The following ITPRID1 variants were observed in gnomAD, a reference collection of about 807,000 sequenced individuals.
ITPRID1 encodes the protein protein ITPRID1.
Under a neutral mutation model 95.4 loss-of-function variants are expected in ITPRID1, and 96 were observed. The observed-to-expected ratio is 1.01, with a 90% CI of 0.85 to 1.19. The LOEUF is 1.19. Among genes scored for constraint, ITPRID1 ranks in the 50% most tolerant of loss-of-function variants. The probability of loss-of-function intolerance (pLI) is 0.00; values close to 1 mark genes in which losing one functional copy is unlikely to be tolerated. For synonymous variants in ITPRID1, 510 were observed against 453.6 expected (o/e 1.12, Z -1.58); for missense variants, 1,339 against 1,252.9 (o/e 1.07, Z -1.04).
chr7:31,577,814 C>A, intron 8 of ITPRID1, 49 bp from the exon 9 acceptor site: 2 of 1,456,486 alleles, frequency 1.4e-6, no homozygotes, highest in Non-Finnish European at 1.8e-6. Flanking sequence ...AATATGGTTT[C>A]AGCAAAAAAG....
intron 10 of ITPRID1, among the ~76,000 whole-genome samples, chr7:31,619,983 G>A (rs1408443091): frequency 4.6e-5 from 7 of 152,166 alleles, no homozygotes; most frequent in East Asian, 1.9e-4. Context: ...CGGGTCCTAC[G>A]CCCACGGAGT....
At chr7:31,563,747 G>T (rs1450799297) in intron 5 of ITPRID1, among the ~76,000 whole-genome samples, 2 of 152,104 alleles carry the variant, frequency 1.3e-5, no homozygotes, top group Admixed American at 6.5e-5. Context: ...GGTGACGAGG[G>T]TTTACAATAG....
chr7:31,636,835 A>G (rs1351191064), intron 10 of ITPRID1, among the ~76,000 whole-genome samples: 2 of 149,928 alleles, frequency 1.3e-5, no homozygotes, highest in African/African-American at 4.9e-5. Flanking sequence ...CCATTAACTC[A>G]TCATTCAGCA....
At chr7:31,570,430 A>ATAGAC (rs1171113665) in intron 6 of ITPRID1, among the ~76,000 whole-genome samples, 5 of 152,200 alleles carry the variant, frequency 3.3e-5, no homozygotes, top group African/African-American at 9.6e-5. Context: ...AACCACTGGA[A>ATAGAC]TAGACTATGA....
At chr7:31,605,156 TA>T (rs1786562121) in intron 10 of ITPRID1, among the ~76,000 whole-genome samples, 1 of 148,544 alleles carries the variant, frequency 6.7e-6, no homozygotes, top group South Asian at 2.1e-4. Flanking sequence ...AAAGAGAAAA[TA>T]AATCTTTCAC....
rs774437446 is a variant in ITPRID1, at chr7:31,578,127, C to G, written c.863C>G (p.Thr288Arg). ...KVKDEVFVPF[T>R]KPWDCGAELA... ...AAGGATGAAGTTTTTGTTCCCTTTA[C>G]AAAACCATGGGATTGTGGAGCAGAG... Residue 288 changes from threonine (T) to arginine (R), a missense_variant, in exon 9 of 15, where the codon ACA (threonine) becomes AGA (arginine). Thr to Arg is a moderately conservative substitution (Grantham distance 71). Coordinates refer to ENST00000615280, the MANE Select transcript of ITPRID1 (RefSeq NM_001257967.3). The G allele has an allele frequency of 1.9e-6, 3 of 1,613,692 alleles. No individual in the cohort carries two copies. The South Asian group carries it at 3.3e-5, about 18-fold the overall frequency.
chr7:31,601,282 G>T (rs565128564), intron 10 of ITPRID1, among the ~76,000 whole-genome samples: 10 of 152,206 alleles, frequency 6.6e-5, no homozygotes, highest in Admixed American at 3.3e-4. Flanking sequence ...TATTGAATGA[G>T]TACTTACTGA....
chr7:31,543,055 T>G (rs1409296044), intron 1 of ITPRID1, among the ~76,000 whole-genome samples: 1 of 151,964 alleles, frequency 6.6e-6, no homozygotes, highest in Non-Finnish European at 1.5e-5. Flanking sequence ...TTTGTTGTTG[T>G]TTGTTTGTTT....
At chr7:31,617,534 TAA>T (rs1787372375) in intron 10 of ITPRID1, among the ~76,000 whole-genome samples, 3 of 152,266 alleles carry the variant, frequency 2.0e-5, no homozygotes, top group Non-Finnish European at 2.9e-5. Context: ...TGAGTGGAGA[TAA>T]GAGTTCAGAC....
intron 1 of ITPRID1, among the ~76,000 whole-genome samples, chr7:31,546,947 TCAG>T (rs1024773005): frequency 2.0e-5 from 3 of 151,780 alleles, no homozygotes; most frequent in African/African-American, 7.3e-5. Context: ...AAGAAGAAAA[TCAG>T]CAAAAAAGCT....
chr7:31,558,566 A>G lies in ITPRID1; in HGVS notation c.256+3665A>G, dbSNP rs145399498. Among the ~76,000 whole-genome samples the G allele has an allele frequency of 1.8e-4, 27 of 152,340 alleles. No individual in the cohort carries two copies. In the East Asian group the frequency reaches 4.4e-3, roughly 25 times the overall value. ...AAGGGTATAAACTTGCAGTTATAAG[A>G]TGACTAGGTTCTAGAGACCTTAAGT... On this transcript the variant is annotated intron_variant, in intron 5 of 14. Coordinates refer to ENST00000615280, the MANE Select transcript of ITPRID1 (RefSeq NM_001257967.3).
At position 31,643,019 on chromosome 7, in the gene ITPRID1, A is replaced by G. The variant is rs1486159754; in HGVS notation, c.1649A>G (p.Glu550Gly). The change falls in exon 12 of 15, where the codon GAG becomes GGG. Residue 550 changes from glutamate to glycine, a missense_variant. By Grantham distance (98) the Glu-to-Gly change is moderately conservative. Coordinates refer to ENST00000615280, the MANE Select transcript of ITPRID1 (RefSeq NM_001257967.3). Reference protein sequence around the residue: ...LWQLLPMPHAEYEVTRPTATS... With the variant: ...LWQLLPMPHAGYEVTRPTATS... Reference sequence around the variant, plus strand: ...CAGCTTCTGCCAATGCCCCATGCTGAGTATGAGGTCACCAGACCCACAGCC... The same window carrying G: ...CAGCTTCTGCCAATGCCCCATGCTGGGTATGAGGTCACCAGACCCACAGCC... 2 of 1,614,026 alleles carry G rather than the reference A, an allele frequency of 1.2e-6. No individual in the cohort carries two copies. Among genetic ancestry groups the G allele is most frequent in the Admixed American group, 1.7e-5 (1 of 60,030 alleles).
intron 10 of ITPRID1, among the ~76,000 whole-genome samples, chr7:31,612,655 A>G (rs932347052): frequency 6.6e-6 from 1 of 152,102 alleles, no homozygotes; most frequent in African/African-American, 2.4e-5. Context: ...AAATATGTCT[A>G]CCACCCTTTT....
intron 5 of ITPRID1, among the ~76,000 whole-genome samples, chr7:31,559,622 G>T (rs1784563312): frequency 1.3e-5 from 2 of 152,142 alleles, no homozygotes; most frequent in African/African-American, 4.8e-5. Context: ...CAGAGATCAT[G>T]CCACTGCACT....
At chr7:31,554,144 T>C (rs1432558464) in intron 3 of ITPRID1, among the ~76,000 whole-genome samples, 3 of 152,212 alleles carry the variant, frequency 2.0e-5, no homozygotes, top group Non-Finnish European at 4.4e-5. Flanking sequence ...AAGTCTCTTA[T>C]GCTTTCTCAC....
In ITPRID1 at chr7:31,569,739, A is replaced by T; in HGVS notation, c.257-19A>T. 1 of 1,566,056 alleles carries T rather than the reference A, an allele frequency of 6.4e-7. No homozygotes were observed. Among genetic ancestry groups the T allele is most frequent in the Non-Finnish European group, 8.7e-7 (1 of 1,154,076 alleles). On this transcript the variant is annotated intron_variant, in intron 5 of 14. Transcript: ENST00000615280. ...ATAAAACGAAATAAAGTTCCCCTCT[A>T]CTTTTTTTGTTGTTGCAGTTTCTTT...
intron 1 of ITPRID1, among the ~76,000 whole-genome samples, chr7:31,543,548 A>T (rs1238743650): frequency 6.6e-6 from 1 of 152,020 alleles, no homozygotes; most frequent in Non-Finnish European, 1.5e-5. Context: ...GCGTCTTCAT[A>T]TGCGTATTTT....
At chr7:31,645,755 G>A (rs994237831) in intron 12 of ITPRID1, among the ~76,000 whole-genome samples, 1 of 152,118 alleles carries the variant, frequency 6.6e-6, no homozygotes, top group Non-Finnish European at 1.5e-5. Context: ...TTGTCACAAC[G>A]GGAGGGGGGT....
Position 31,652,672 on chromosome 7 carries a change from C to T in ITPRID1, c.2978C>T (p.Ala993Val). ...TVFPPDDGQE[A>V]PCSGGTQLAA... The stretch of plus-strand genomic sequence containing the variant: ...TTTCCTCCCGATGATGGCCAGGAGG[C>T]TCCCTGTTCAGGTGGGACCCAGTTG... Residue 993 changes from alanine to valine, a missense_variant, in exon 15 of 15, where the codon GCT (alanine) becomes GTT (valine). Coordinates refer to ENST00000615280, the MANE Select transcript of ITPRID1 (RefSeq NM_001257967.3). 6.2e-7 allele frequency: 1 copy of T among 1,613,922 alleles called. No homozygotes were observed. The highest frequency in any genetic ancestry group is 1.7e-5 in the Admixed American group (1 of 60,002).
Sources: gnomAD v4.1 joint callset for allele counts (sites outside exome capture counted in the v4.1 genomes callset) on GRCh38, gnomAD v4.1.1 for gene constraint, MANE v1.5 for transcripts, NCBI Gene and HGNC (gene_info 2026-07-23, HGNC 2026-07-21) for gene names.